The following MACROD2 variants were observed in gnomAD, a reference collection of about 807,000 sequenced individuals.
The protein encoded by MACROD2 is ADP-ribose glycohydrolase MACROD2.
Under a neutral mutation model 70.4 loss-of-function variants are expected in MACROD2, and 36 were observed. The ratio of observed to expected loss-of-function variants is 0.51; its 90% CI spans 0.39 to 0.68. The LOEUF (loss-of-function observed/expected upper bound fraction) is 0.68. Among genes scored for constraint, MACROD2 ranks in the 30% least tolerant of loss-of-function variants. The pLI, the probability that MACROD2 is intolerant of heterozygous loss-of-function variation, is 0.00. For missense variants in MACROD2, 496 were observed against 538.4 expected (o/e 0.92, Z 0.78); for synonymous variants, 172 against 178.8 (o/e 0.96, Z 0.30).
intron 5 of MACROD2, among the ~76,000 whole-genome samples, chr20:14,795,936 G>T (rs967649118): frequency 6.6e-6 from 1 of 152,014 alleles, no homozygotes; most frequent in African/African-American, 2.4e-5. Context: ...AATCGAACTT[G>T]CAGAGAAGTC....
At chr20:14,759,747 G>A (rs1201059696) in intron 5 of MACROD2, among the ~76,000 whole-genome samples, 1 of 152,096 alleles carries the variant, frequency 6.6e-6, no homozygotes, top group African/African-American at 2.4e-5. Flanking sequence ...AGATACGCAG[G>A]TTCTTGTAGA....
chr20:15,818,892 G>A (rs936929192), intron 8 of MACROD2, among the ~76,000 whole-genome samples: 4 of 151,874 alleles, frequency 2.6e-5, no homozygotes, highest in Non-Finnish European at 4.4e-5. Context: ...TTTTGGTTAT[G>A]CATTCCCTGC....
chr20:15,851,926 G>A (rs1164747843), intron 8 of MACROD2, among the ~76,000 whole-genome samples: 1 of 152,260 alleles, frequency 6.6e-6, no homozygotes, highest in Admixed American at 6.5e-5. Context: ...ACGAGCACAC[G>A]GCAGCTTCCT....
At chr20:14,829,919 G>A (rs380544) in intron 5 of MACROD2, among the ~76,000 whole-genome samples, 2 of 151,924 alleles carry the variant, frequency 1.3e-5, no homozygotes, top group South Asian at 4.2e-4. Context: ...GAAGTTCAAT[G>A]CATACATTGA....
At chr20:14,064,826 A>T (rs1205274288) in intron 2 of MACROD2, among the ~76,000 whole-genome samples, 1 of 152,208 alleles carries the variant, frequency 6.6e-6, no homozygotes, top group Non-Finnish European at 1.5e-5. Context: ...TGTTAATACG[A>T]TACTAAATGA....
chr20:14,053,643 T>C (rs528493835), intron 2 of MACROD2: 2 of 152,278 alleles, frequency 1.3e-5, no homozygotes, highest in South Asian at 4.1e-4. Context: ...CAAAACCAAC[T>C]ATTGTGGGTT....
At chr20:14,971,009 G>A (rs766509544) in intron 5 of MACROD2, among the ~76,000 whole-genome samples, 4 of 152,138 alleles carry the variant, frequency 2.6e-5, no homozygotes, top group Non-Finnish European at 4.4e-5. Context: ...GCATCCCTTT[G>A]TATCAGTGAG....
intron 8 of MACROD2, among the ~76,000 whole-genome samples, chr20:15,848,974 A>C (rs2064266080): frequency 6.6e-6 from 1 of 152,216 alleles, no homozygotes; most frequent in Non-Finnish European, 1.5e-5. Context: ...GCATTTAAAG[A>C]GAGAGATGAT....
intron 3 of MACROD2, among the ~76,000 whole-genome samples, chr20:14,186,099 A>G (rs2081341961): frequency 6.6e-6 from 1 of 152,108 alleles, no homozygotes; most frequent in Non-Finnish European, 1.5e-5. Flanking sequence ...CTTCTGACAG[A>G]TGTTTTCAAT....
intron 3 of MACROD2, among the ~76,000 whole-genome samples, chr20:14,408,155 T>C (rs1303728375): frequency 6.6e-6 from 1 of 152,208 alleles, no homozygotes; most frequent in Non-Finnish European, 1.5e-5. Flanking sequence ...GTAAAATCTG[T>C]GCACACTTAG....
intron 5 of MACROD2, among the ~76,000 whole-genome samples, chr20:14,742,021 G>A (rs2071738931): frequency 6.6e-6 from 1 of 152,108 alleles, no homozygotes; most frequent in Non-Finnish European, 1.5e-5. Flanking sequence ...TATAACAAGA[G>A]TATTTGGAAA....
chr20:14,356,578 C>T (rs1300935097), intron 3 of MACROD2, among the ~76,000 whole-genome samples: 2 of 143,836 alleles, frequency 1.4e-5, no homozygotes, highest in Non-Finnish European at 3.0e-5. Flanking sequence ...AATTTTGGCT[C>T]ACTGCAACCT....
At chr20:14,638,718 T>A (rs1984919903) in intron 4 of MACROD2, among the ~76,000 whole-genome samples, 1 of 152,138 alleles carries the variant, frequency 6.6e-6, no homozygotes, top group Non-Finnish European at 1.5e-5. Flanking sequence ...TGTGAGGCCA[T>A]GGCGGGAGGA....
chr20:14,345,103 T>C (rs938270976), intron 3 of MACROD2, among the ~76,000 whole-genome samples: 1 of 152,212 alleles, frequency 6.6e-6, no homozygotes, highest in African/African-American at 2.4e-5. Flanking sequence ...AATCCTAGTT[T>C]GACAGTGGTT....
intron 7 of MACROD2, among the ~76,000 whole-genome samples, chr20:15,459,261 G>A (rs1038319661): frequency 2.0e-5 from 3 of 151,872 alleles, no homozygotes; most frequent in East Asian, 1.9e-4. Context: ...ATGCATTATC[G>A]CTGCTATTCG....
intron 5 of MACROD2, chr20:14,934,063 T>A (rs2423853): frequency 0.43 from 65,381 of 151,966 alleles, 14,800 homozygotes; most frequent in East Asian, 0.75. Context: ...GGGACTTAAT[T>A]CCAGGCCATC....
intron 8 of MACROD2, among the ~76,000 whole-genome samples, chr20:15,637,266 GA>G (rs2049384392): frequency 6.6e-6 from 1 of 152,228 alleles, no homozygotes; most frequent in Non-Finnish European, 1.5e-5. Context: ...ACAGGGGAAA[GA>G]ACAGTGTCTC....
intron 5 of MACROD2, among the ~76,000 whole-genome samples, chr20:14,902,796 A>G (rs930661294): frequency 1.3e-5 from 2 of 152,150 alleles, no homozygotes; most frequent in African/African-American, 4.8e-5. Context: ...GGAAGGACTC[A>G]AGGAATGCCA....
chr20:14,784,914 A>G (rs1263035278), intron 5 of MACROD2, among the ~76,000 whole-genome samples: 1 of 152,018 alleles, frequency 6.6e-6, no homozygotes, highest in Non-Finnish European at 1.5e-5. Context: ...CTTTACATAT[A>G]GTATATCATT....
Sources: gnomAD v4.1 joint callset for allele counts (sites outside exome capture counted in the v4.1 genomes callset) on GRCh38, gnomAD v4.1.1 for gene constraint, MANE v1.5 for transcripts, NCBI Gene and HGNC (gene_info 2026-07-23, HGNC 2026-07-21) for gene names.